Variants in MANBA observed in about 807,000 individuals in gnomAD.
The protein encoded by MANBA is beta-mannosidase.
In MANBA, 83 loss-of-function variants were observed where a neutral mutation model predicts 111.1. The observed-to-expected ratio is 0.75, with a 90% CI of 0.63 to 0.90. MANBA has a LOEUF of 0.90. MANBA is among the 40% of genes least tolerant of loss of function. The pLI is 0.00. For missense variants in MANBA, 1,036 were observed against 1,069.0 expected (o/e 0.97, Z 0.43); for synonymous variants, 370 against 378.7 (o/e 0.98, Z 0.27).
At chr4:102,681,963 T>TG (rs1252432332) in intron 7 of MANBA, among the ~76,000 whole-genome samples, 1 of 151,822 alleles carries the variant, frequency 6.6e-6, no homozygotes, top group Non-Finnish European at 1.5e-5. Flanking sequence ...CTGACCAACA[T>TG]GGAGAAACCC....
Position 102,660,416 on chromosome 4 carries a change from T to C in MANBA, c.1486-2516A>G, listed in dbSNP as rs868804310. The stretch of plus-strand genomic sequence containing the variant: ...TTCTAAAAATTAAGTAAATAAATTA[T>C]ACAAAGCACTTACATAATTAACTTT... On this transcript the variant is annotated intron_variant, in intron 11 of 16. Coordinates refer to ENST00000647097, the MANE Select transcript of MANBA (RefSeq NM_005908.4). Among the ~76,000 whole-genome samples, 6 of 152,170 alleles carry C rather than the reference T, an allele frequency of 3.9e-5. No homozygotes were observed. The South Asian group carries it at 1.0e-3, about 26-fold the overall frequency.
intron 1 of MANBA, among the ~76,000 whole-genome samples, chr4:102,731,348 G>T (rs1486943072): frequency 6.6e-6 from 1 of 152,034 alleles, no homozygotes; most frequent in African/African-American, 2.4e-5. Context: ...AGCCTCCAGG[G>T]GGAATACTTC....
At position 102,657,740 on chromosome 4, in the gene MANBA, G is replaced by C; in HGVS notation, c.1646C>G (p.Ala549Gly). 1 of 1,613,882 alleles carries C rather than the reference G, an allele frequency of 6.2e-7. No homozygotes were observed. Among genetic ancestry groups the C allele is most frequent in the Non-Finnish European group, 8.5e-7 (1 of 1,179,822 alleles). The change falls in exon 12 of 17, where the codon GCT (alanine) becomes GGT (glycine). Residue 549 changes from alanine to glycine, a missense_variant. Ala to Gly is a moderately conservative substitution (Grantham distance 60, BLOSUM62 0). Coordinates refer to ENST00000647097, the MANE Select transcript of MANBA (RefSeq NM_005908.4). ...DCWNWKVFPK[A>G]RFASEYGYQS... ...ATATCCATATTCAGATGCAAATCGA[G>C]CTTTTGGGAAAACTTTCCAGTTCCA...
intron 1 of MANBA, among the ~76,000 whole-genome samples, chr4:102,732,895 G>A (rs941376420): frequency 1.3e-5 from 2 of 152,166 alleles, no homozygotes; most frequent in African/African-American, 4.8e-5. Flanking sequence ...GAAGGAAGGT[G>A]TGAGAGCAAT....
At chr4:102,720,605 A>C (rs1159242877) in intron 4 of MANBA, among the ~76,000 whole-genome samples, 1 of 144,062 alleles carries the variant, frequency 6.9e-6, no homozygotes, top group African/African-American at 2.6e-5. Flanking sequence ...ACTTCATCTC[A>C]AAAAAAAAAA....
At chr4:102,726,793 A>C in intron 1 of MANBA, 110 bp from the exon 2 acceptor site, 2 of 694,586 alleles carry the variant, frequency 2.9e-6, no homozygotes, top group Admixed American at 4.6e-5. Context: ...CCTAAAAATT[A>C]ACGAACTTTT....
At chr4:102,690,541 T>C in intron 6 of MANBA, 55 bp downstream of exon 6, 2 of 1,528,002 alleles carry the variant, frequency 1.3e-6, no homozygotes, top group East Asian at 4.6e-5. Context: ...TAATCATTTC[T>C]TTAGCACAGG....
intron 5 of MANBA, among the ~76,000 whole-genome samples, chr4:102,692,091 G>T (rs1229970533): frequency 2.0e-5 from 3 of 152,176 alleles, no homozygotes; most frequent in African/African-American, 7.2e-5. Context: ...AGTCATTGAA[G>T]ATTTTTCATC....
intron 1 of MANBA, among the ~76,000 whole-genome samples, chr4:102,733,050 G>A (rs575554583): frequency 9.2e-5 from 14 of 152,164 alleles, no homozygotes; most frequent in South Asian, 2.1e-4. Flanking sequence ...ATATTTTTTC[G>A]ACACAAACAT....
intron 7 of MANBA, among the ~76,000 whole-genome samples, chr4:102,687,092 C>T (rs1732250800): frequency 1.3e-5 from 2 of 152,140 alleles, no homozygotes; most frequent in South Asian, 4.1e-4. Flanking sequence ...AACAGAGTTG[C>T]CCTGCCTGTT....
In MANBA at chr4:102,714,421, C is replaced by T. The variant is rs760316561; in HGVS notation, c.673+17G>A. On this transcript the variant is annotated intron_variant, in intron 5 of 16. Transcript: ENST00000647097. ...AGAAGACTCAAAAAGAAAAAAAAATCACATCTTTCAGCTTACCATATATTG... is the reference window on the plus strand; with the variant it reads ...AGAAGACTCAAAAAGAAAAAAAAATTACATCTTTCAGCTTACCATATATTG... 1 of 1,597,906 alleles carries T rather than the reference C, an allele frequency of 6.3e-7. No individual in the cohort carries two copies. The highest frequency in any genetic ancestry group is 8.6e-7 in the Non-Finnish European group (1 of 1,166,074).
chr4:102,677,174 C>G (rs1315454798), intron 7 of MANBA, among the ~76,000 whole-genome samples: 1 of 152,096 alleles, frequency 6.6e-6, no homozygotes, highest in Non-Finnish European at 1.5e-5. Flanking sequence ...GACAGACAAA[C>G]GATGGTTATT....
chr4:102,702,808 A>C lies in MANBA; in HGVS notation c.673+11630T>G, dbSNP rs577621724. Among the ~76,000 whole-genome samples the C allele has an allele frequency of 1.3e-5, 2 of 152,310 alleles. 1 individual carries two copies. Among genetic ancestry groups the C allele is most frequent in the South Asian group, 4.1e-4 (2 of 4,830 alleles). On this transcript the variant is annotated intron_variant, in intron 5 of 16. Transcript: ENST00000647097. ...TTGGTCCTTTGATCTTCAGGAGTAAACTCACTAATTTTAAGTCAAGATATA... is the reference window on the plus strand; with the variant it reads ...TTGGTCCTTTGATCTTCAGGAGTAACCTCACTAATTTTAAGTCAAGATATA...
At chr4:102,703,956 G>A (rs538877151) in intron 5 of MANBA, among the ~76,000 whole-genome samples, 19 of 152,052 alleles carry the variant, frequency 1.2e-4, no homozygotes, top group Non-Finnish European at 2.2e-4. Context: ...TAAGCCAGGC[G>A]TGGTGTCGAA....
At chr4:102,756,479 TG>T (rs1290660863) in intron 1 of MANBA, among the ~76,000 whole-genome samples, 2 of 151,828 alleles carry the variant, frequency 1.3e-5, no homozygotes, top group South Asian at 2.1e-4. Flanking sequence ...GTCATGAGGT[TG>T]GGGGCTGGGG....
chr4:102,745,276 T>C (rs974805322), intron 1 of MANBA, among the ~76,000 whole-genome samples: 1 of 152,114 alleles, frequency 6.6e-6, no homozygotes, highest in African/African-American at 2.4e-5. Context: ...ATTAACAGCA[T>C]AAATAGTCAC....
chr4:102,680,135 C>T (rs1036838539), intron 7 of MANBA, among the ~76,000 whole-genome samples: 1 of 152,194 alleles, frequency 6.6e-6, no homozygotes, highest in Admixed American at 6.5e-5. Flanking sequence ...TCCTGGCACT[C>T]TCCTTCAAAA....
chr4:102,719,034 GA>G (rs1323591837), intron 4 of MANBA, among the ~76,000 whole-genome samples: 1 of 152,190 alleles, frequency 6.6e-6, no homozygotes, highest in Non-Finnish European at 1.5e-5. Context: ...ATCTTAACAG[GA>G]AACAGGGTTC....
intron 11 of MANBA, chr4:102,658,740 G>A (rs975351455): frequency 6.6e-6 from 1 of 152,184 alleles, no homozygotes; most frequent in Non-Finnish European, 1.5e-5. Context: ...GCAAGAGATG[G>A]TGCAGCTGGA....
Sources: gnomAD v4.1 joint callset for allele counts (sites outside exome capture counted in the v4.1 genomes callset) on GRCh38, gnomAD v4.1.1 for gene constraint, MANE v1.5 for transcripts, NCBI Gene and HGNC (gene_info 2026-07-23, HGNC 2026-07-21) for gene names.